ATXN2: variants seen among roughly 807,000 people sequenced by gnomAD.
ATXN2 encodes the protein ataxin 2, also known as ataxin-2.
Under a neutral mutation model 138.6 loss-of-function variants are expected in ATXN2, and 37 were observed. The ratio of observed to expected loss-of-function variants is 0.27; its 90% CI spans 0.21 to 0.35. The LOEUF (loss-of-function observed/expected upper bound fraction) is 0.35. Ranked by LOEUF, ATXN2 falls within the 10% of genes least tolerant of loss-of-function variation. The probability of loss-of-function intolerance (pLI) is 1.00; values close to 1 mark genes in which losing one functional copy is unlikely to be tolerated. For missense variants in ATXN2, 1,216 were observed against 1,480.3 expected, an observed-to-expected ratio of 0.82 and a Z score of 2.93; for synonymous variants, 549 against 543.7, an observed-to-expected ratio of 1.01 and a Z score of -0.13.
chr12:111,557,092 C>A (rs1203400960), intron 1 of ATXN2, among the ~76,000 whole-genome samples: 1 of 152,010 alleles, frequency 6.6e-6, no homozygotes, highest in Non-Finnish European at 1.5e-5. Context: ...AGATTAGGCC[C>A]CTTAGAATAA....
At chr12:111,538,506 G>A (rs990592684) in intron 5 of ATXN2, among the ~76,000 whole-genome samples, 2 of 133,070 alleles carry the variant, frequency 1.5e-5, no homozygotes, top group Non-Finnish European at 3.6e-5. Flanking sequence ...ACATACCACC[G>A]TGTCTGGCTA....
At chr12:111,541,413 G>C (rs1006905243) in intron 5 of ATXN2, among the ~76,000 whole-genome samples, 2 of 134,488 alleles carry the variant, frequency 1.5e-5, no homozygotes, top group Non-Finnish European at 3.2e-5. Flanking sequence ...GTGCAATGGC[G>C]CGATCTCGGC....
intron 18 of ATXN2, chr12:111,482,901 C>T (rs1877349579): frequency 6.6e-6 from 1 of 151,472 alleles, no homozygotes; most frequent in African/African-American, 2.4e-5. Context: ...TATGAAATCA[C>T]AATTAGGTCA....
intron 1 of ATXN2, among the ~76,000 whole-genome samples, chr12:111,566,826 C>T (rs910513480): frequency 2.6e-5 from 4 of 151,994 alleles, no homozygotes; most frequent in African/African-American, 9.7e-5. Context: ...TTAGTAGAAA[C>T]GGGGTTTCAC....
intron 18 of ATXN2, chr12:111,472,076 G>C (rs1414177382): frequency 6.6e-6 from 1 of 152,094 alleles, no homozygotes; most frequent in Non-Finnish European, 1.5e-5. Flanking sequence ...ACCACCCTGG[G>C]CAACATGGGG....
chr12:111,553,357 A>G (rs1882216828), intron 3 of ATXN2, among the ~76,000 whole-genome samples: 1 of 152,076 alleles, frequency 6.6e-6, no homozygotes, highest in Non-Finnish European at 1.5e-5. Flanking sequence ...CAGATACCGA[A>G]TTACATAATA....
At chr12:111,495,701 A>G (rs947449571) in intron 14 of ATXN2, among the ~76,000 whole-genome samples, 2 of 152,230 alleles carry the variant, frequency 1.3e-5, no homozygotes, top group African/African-American at 4.8e-5. Context: ...AAATCAACAA[A>G]GAAACATTAG....
At chr12:111,461,633 A>C (rs1167428725) in intron 21 of ATXN2, among the ~76,000 whole-genome samples, 1 of 152,040 alleles carries the variant, frequency 6.6e-6, no homozygotes, top group Non-Finnish European at 1.5e-5. Flanking sequence ...AAAATTTAAA[A>C]GCCAAGGAAA....
chr12:111,539,485 T>A (rs1337895928), intron 5 of ATXN2, among the ~76,000 whole-genome samples: 3 of 149,898 alleles, frequency 2.0e-5, no homozygotes, highest in Admixed American at 6.7e-5. Context: ...CGATGGCTCA[T>A]GCCTGTAATC....
At chr12:111,493,630 ATT>A (rs538107471) in intron 14 of ATXN2, among the ~76,000 whole-genome samples, 11 of 143,732 alleles carry the variant, frequency 7.7e-5, no homozygotes, top group African/African-American at 1.3e-4. Flanking sequence ...AAGAACTACA[ATT>A]TTTTTTTTTT....
intron 2 of ATXN2, among the ~76,000 whole-genome samples, chr12:111,555,357 T>A (rs552664351): frequency 1.3e-5 from 2 of 152,288 alleles, no homozygotes; most frequent in Admixed American, 1.3e-4. Flanking sequence ...CCCACCCAAA[T>A]CTTATCTTTA....
rs1885043502 is a variant in ATXN2 at position 111,598,332 on chromosome 12, T to C, written c.251+452A>G. On this transcript the variant is annotated intron_variant, in intron 1 of 24. Transcript: ENST00000673436. This position sits in a 1 kb window ranked among gnomAD's most constrained non-coding sequence, Gnocchi z 4.5. ...TTCTCCCCTCCAGAGATGTCCCCCATGGAGGGGGACATGTTCCGGAAAACG... is the reference window on the plus strand; with the variant it reads ...TTCTCCCCTCCAGAGATGTCCCCCACGGAGGGGGACATGTTCCGGAAAACG... The C allele has an allele frequency of 1.0e-6, 1 of 991,486 alleles. No homozygotes were observed. The highest frequency in any genetic ancestry group is 1.2e-6 in the Non-Finnish European group (1 of 833,628). The allele number at this position is 991,486 out of a possible 1,614,324, so 61.4% of individuals were successfully genotyped here. A position where few individuals can be genotyped will look rare whatever the true frequency, so the allele number is the denominator to read the frequency against.
At chr12:111,581,491 T>G in intron 1 of ATXN2, 1 of 999,470 alleles carries the variant, frequency 1.0e-6, no homozygotes, top group Non-Finnish European at 1.6e-6. Flanking sequence ...CCCACAACCC[T>G]GCTCCCCCAA....
chr12:111,459,433 T>A (rs992508957), intron 21 of ATXN2, among the ~76,000 whole-genome samples: 6 of 152,214 alleles, frequency 3.9e-5, no homozygotes, highest in Non-Finnish European at 8.8e-5. Context: ...ACGTTCATTT[T>A]AAAAATGTAT....
intron 21 of ATXN2, among the ~76,000 whole-genome samples, chr12:111,462,712 A>T (rs1332276597): frequency 6.6e-6 from 1 of 152,158 alleles, no homozygotes; most frequent in Non-Finnish European, 1.5e-5. Flanking sequence ...ATGATTAAGG[A>T]CCTTAGCTAC....
chr12:111,588,587 A>T (rs1023416889), intron 1 of ATXN2, among the ~76,000 whole-genome samples: 3 of 151,714 alleles, frequency 2.0e-5, no homozygotes, highest in Non-Finnish European at 4.4e-5. Context: ...GCACCACTGC[A>T]CTCCAGCCTA....
chr12:111,506,661 T>TCTTCTC lies in ATXN2; in HGVS notation c.1935+2887_1935+2888insGAGAAG, dbSNP rs1879136686. Among the ~76,000 whole-genome samples, 11 of 131,150 alleles carry TCTTCTC rather than the reference T, an allele frequency of 8.4e-5. No individual in the cohort carries two copies. The South Asian group carries it at 2.9e-3, about 35-fold the overall frequency. 86.0% of individuals were successfully genotyped at this position (131,150 alleles called of 152,430 possible). ...CCCTCCCCCTCCCCCTCCTTCTCCT[T>TCTTCTC]CTCCCCACGGTCTCCCTCTCCCTCT... On this transcript the variant is annotated intron_variant, in intron 14 of 24. Transcript: ENST00000673436.
At chr12:111,579,963 G>A (rs1210230940) in intron 1 of ATXN2, among the ~76,000 whole-genome samples, 1 of 151,704 alleles carries the variant, frequency 6.6e-6, no homozygotes, top group Non-Finnish European at 1.5e-5. Flanking sequence ...GCCTCCCAAA[G>A]TGCTGGGATT....
intron 21 of ATXN2, among the ~76,000 whole-genome samples, chr12:111,464,178 G>A (rs889258738): frequency 1.6e-4 from 25 of 151,602 alleles, no homozygotes; most frequent in African/African-American, 6.1e-4. Context: ...AAAAATCCTG[G>A]TAGGCATAAA....
Sources: gnomAD v4.1 joint callset for allele counts (sites outside exome capture counted in the v4.1 genomes callset) on GRCh38, gnomAD v4.1.1 for gene constraint, Gnocchi (gnomAD v3.1) non-coding constraint, MANE v1.5 for transcripts, NCBI Gene and HGNC (gene_info 2026-07-23, HGNC 2026-07-21) for gene names.